Variants in SPON1 observed in about 807,000 individuals in gnomAD.
SPON1 encodes spondin 1.
A neutral mutation model predicts 111.7 loss-of-function variants in SPON1; 52 were observed. That is an observed-to-expected ratio of 0.47 (90% CI 0.37 to 0.59). SPON1 has a LOEUF of 0.59. Among genes scored for constraint, SPON1 ranks in the 20% least tolerant of loss-of-function variants. SPON1 has a pLI of 0.00. For missense variants in SPON1, 957 were observed against 1,068.5 expected, an observed-to-expected ratio of 0.90 and a Z score of 1.46; for synonymous variants, 410 against 395.8, an observed-to-expected ratio of 1.04 and a Z score of -0.43.
In SPON1 at chr11:14,265,575, G is replaced by A; in HGVS notation, c.2312G>A (p.Gly771Glu). The change falls in exon 16 of 16, where the codon GGA (glycine) becomes GAA (glutamate). Residue 771 changes from glycine to glutamate, a missense_variant. By Grantham distance (98) the Gly-to-Glu change is moderately conservative (BLOSUM62 -2). Around this residue, in one of 5 missense-constraint regions of SPON1, gnomAD observed 549 missense variants for 606.2 expected, o/e 0.91. Coordinates refer to ENST00000576479, the MANE Select transcript of SPON1 (RefSeq NM_006108.4). ...TAWSECTKLC[G>E]GGIQERYMTV... ...TGGTCAGAATGCACCAAACTGTGCG[G>A]AGGTGGAATTCAGGAACGTTACATG... 3 of 1,613,776 alleles carry A rather than the reference G, an allele frequency of 1.9e-6. No homozygotes were observed. The highest frequency in any genetic ancestry group is 2.5e-6 in the Non-Finnish European group (3 of 1,179,818).
chr11:14,012,846 T>C (rs561993937), intron 2 of SPON1, among the ~76,000 whole-genome samples: 1 of 152,348 alleles, frequency 6.6e-6, no homozygotes, highest in South Asian at 2.1e-4. Context: ...AAATTGGCTC[T>C]CGGTAGTTAA....
chr11:14,075,476 G>A, intron 4 of SPON1, 58 bp downstream of exon 4: 3 of 1,248,028 alleles, frequency 2.4e-6, no homozygotes, highest in Non-Finnish European at 3.4e-6. Context: ...AGCTCCTCCT[G>A]CACGATCCTC....
At chr11:14,187,278 C>T (rs943754825) in intron 6 of SPON1, among the ~76,000 whole-genome samples, 2 of 152,204 alleles carry the variant, frequency 1.3e-5, no homozygotes, top group Non-Finnish European at 2.9e-5. Flanking sequence ...CCAGACCCAA[C>T]TCCAACATTG....
chr11:14,173,071 A>G (rs1554932672), intron 6 of SPON1, among the ~76,000 whole-genome samples: 1 of 151,882 alleles, frequency 6.6e-6, no homozygotes, highest in Non-Finnish European at 1.5e-5. Flanking sequence ...TCTCCTGGAT[A>G]ATATCCTGCA....
At chr11:14,029,749 C>A (rs1554915801) in intron 2 of SPON1, among the ~76,000 whole-genome samples, 2 of 152,256 alleles carry the variant, frequency 1.3e-5, no homozygotes, top group African/African-American at 4.8e-5. Context: ...AGCCTTCAGG[C>A]TGTTTTAGGT....
At chr11:14,136,471 G>A (rs782421538) in intron 6 of SPON1, among the ~76,000 whole-genome samples, 7 of 152,200 alleles carry the variant, frequency 4.6e-5, no homozygotes, top group African/African-American at 1.2e-4. Context: ...AACAATGCAG[G>A]AGGCTAAGAA....
chr11:14,048,478 G>T (rs1262328237), intron 3 of SPON1, among the ~76,000 whole-genome samples: 2 of 152,124 alleles, frequency 1.3e-5, no homozygotes, highest in Non-Finnish European at 2.9e-5. Flanking sequence ...CTTTGCCCAG[G>T]AGTGCCGGGA....
chr11:14,135,615 A>C lies in SPON1; in HGVS notation c.825+47A>C, dbSNP rs11023097. ...ATGACCAAATAACAGAAATGCAGTCAAAGCACTCCTTAGATATCTTTCCCA... is the reference window on the plus strand; with the variant it reads ...ATGACCAAATAACAGAAATGCAGTCCAAGCACTCCTTAGATATCTTTCCCA... On this transcript the variant is annotated intron_variant, in intron 6 of 15. Transcript: ENST00000576479. The surrounding 1 kb of genome is among the most constrained non-coding windows in gnomAD (Gnocchi z 4.4). The C allele has an allele frequency of 6.3e-7, 1 of 1,585,582 alleles. No homozygotes were observed. The highest frequency in any genetic ancestry group is 8.6e-7 in the Non-Finnish European group (1 of 1,158,220).
intron 6 of SPON1, among the ~76,000 whole-genome samples, chr11:14,145,779 T>G (rs1196563350): frequency 1.3e-5 from 2 of 152,128 alleles, no homozygotes; most frequent in African/African-American, 4.8e-5. Context: ...CAAGCAAACT[T>G]TCATCAATAG....
intron 5 of SPON1, among the ~76,000 whole-genome samples, chr11:14,092,709 T>C (rs1034171984): frequency 2.0e-5 from 3 of 152,198 alleles, no homozygotes; most frequent in Admixed American, 6.5e-5. Flanking sequence ...TATAGATCTC[T>C]GCTTGTCATC....
chr11:14,037,607 A>G (rs910435824), intron 2 of SPON1, among the ~76,000 whole-genome samples: 20 of 152,156 alleles, frequency 1.3e-4, no homozygotes, highest in African/African-American at 4.6e-4. Flanking sequence ...ACCTAAGTGT[A>G]AAATGCAGAA....
intron 5 of SPON1, among the ~76,000 whole-genome samples, chr11:14,097,300 T>G (rs1849109249): frequency 6.6e-6 from 1 of 152,210 alleles, no homozygotes; most frequent in Non-Finnish European, 1.5e-5. Flanking sequence ...CAGATCATGT[T>G]TCCTGGTTTA....
chr11:14,059,883 CAAG>C (rs1374195642), intron 3 of SPON1, among the ~76,000 whole-genome samples: 1 of 152,150 alleles, frequency 6.6e-6, no homozygotes, highest in African/African-American at 2.4e-5. Flanking sequence ...ATTGTGTTGT[CAAG>C]AAGGTCCTTG....
chr11:14,022,935 C>A (rs769312598), intron 2 of SPON1, among the ~76,000 whole-genome samples: 1 of 152,202 alleles, frequency 6.6e-6, no homozygotes, highest in Non-Finnish European at 1.5e-5. Context: ...CCAGCTGCCA[C>A]GGAAGCCTCA....
At chr11:14,117,137 A>T (rs1554926047) in intron 5 of SPON1, among the ~76,000 whole-genome samples, 2 of 152,146 alleles carry the variant, frequency 1.3e-5, no homozygotes, top group African/African-American at 4.8e-5. Flanking sequence ...GTACACAATA[A>T]GTTATGCCAA....
chr11:14,233,334 C>G (rs900512182), intron 6 of SPON1, among the ~76,000 whole-genome samples: 2 of 152,176 alleles, frequency 1.3e-5, no homozygotes, highest in East Asian at 1.9e-4. Context: ...TCGCCAGACA[C>G]AGCAATGGCC....
intron 2 of SPON1, among the ~76,000 whole-genome samples, chr11:14,038,987 T>G (rs1234855669): frequency 4.6e-5 from 7 of 152,194 alleles, no homozygotes; most frequent in African/African-American, 1.7e-4. Flanking sequence ...TGTGGTACTT[T>G]CAGACAATCA....
At chr11:14,091,901 C>G (rs180878854) in intron 5 of SPON1, among the ~76,000 whole-genome samples, 141 of 147,474 alleles carry the variant, frequency 9.6e-4, no homozygotes, top group Non-Finnish European at 1.1e-3. Flanking sequence ...CAATCCCTCA[C>G]GGCTTCCTTT....
At chr11:13,996,846 A>C (rs887815609) in intron 2 of SPON1, among the ~76,000 whole-genome samples, 12 of 152,204 alleles carry the variant, frequency 7.9e-5, no homozygotes, top group African/African-American at 2.4e-4. Context: ...AATGAAATTA[A>C]ATGTTCCACA....
Sources: allele counts gnomAD v4.1 joint callset (sites outside exome capture counted in the v4.1 genomes callset), GRCh38; gene constraint gnomAD v4.1.1; regional missense constraint gnomAD v4.1.1; non-coding constraint Gnocchi (gnomAD v3.1); transcripts MANE v1.5; gene names NCBI Gene and HGNC (gene_info 2026-07-23, HGNC 2026-07-21).